RNF220: variants seen among roughly 807,000 people sequenced by gnomAD.
The protein encoded by RNF220 is E3 ubiquitin-protein ligase RNF220.
A neutral mutation model predicts 67.1 loss-of-function variants in RNF220; 7 were observed. That is an observed-to-expected ratio of 0.10 (90% CI 0.06 to 0.20). RNF220 has a LOEUF of 0.20. Among genes scored for constraint, RNF220 ranks in the 10% least tolerant of loss-of-function variants. RNF220 has a pLI of 1.00. For missense variants in RNF220, 565 were observed against 740.3 expected (o/e 0.76, Z 2.75); for synonymous variants, 270 against 283.2 (o/e 0.95, Z 0.47).
chr1:44,518,605 G>A (rs1056091745), intron 2 of RNF220, among the ~76,000 whole-genome samples: 4 of 152,180 alleles, frequency 2.6e-5, no homozygotes, highest in Middle Eastern at 3.4e-3. Flanking sequence ...GGCCGGGCGC[G>A]GTGGCTCACA....
Position 44,650,939 on chromosome 1 carries a change from T to G in RNF220, c.*164T>G. The G allele has an allele frequency of 1.5e-6, 1 of 660,136 alleles. No homozygotes were observed. The highest frequency in any genetic ancestry group is 2.2e-5 in the Admixed American group (1 of 46,200). The allele number at this position is 660,136 out of a possible 1,614,324, so 40.9% of individuals were successfully genotyped here. On this transcript the variant is annotated 3_prime_UTR_variant, in exon 15 of 15. Coordinates refer to ENST00000361799, the MANE Select transcript of RNF220 (RefSeq NM_018150.4). This position sits in a 1 kb window ranked among gnomAD's most constrained non-coding sequence, Gnocchi z 4.3. ...ACACACACATTTACACACGCAGGAC[T>G]CTGGAGCCAGAGTAGAGGCTGTGGC...
At chr1:44,640,178 G>A (rs573708349) in intron 8 of RNF220, among the ~76,000 whole-genome samples, 1 of 152,386 alleles carries the variant, frequency 6.6e-6, no homozygotes, top group South Asian at 2.1e-4. Context: ...GTAAGCCCCA[G>A]GGCATGGGCA....
Position 44,614,158 on chromosome 1 carries a change from T to C in RNF220, c.626-7T>C. On this transcript the variant is annotated splice_polypyrimidine_tract_variant and splice_region_variant and intron_variant, in intron 2 of 14. Coordinates refer to ENST00000361799, the MANE Select transcript of RNF220 (RefSeq NM_018150.4). ...TACGCGTCTGTCTGTTCTTCTCCCC[T>C]CACTAGGTAAGAAGAAAGCAGCGGC... is the stretch of plus-strand genomic sequence containing the variant. 1 of 1,614,084 alleles carries C rather than the reference T, an allele frequency of 6.2e-7. No individual in the cohort carries two copies. The highest frequency in any genetic ancestry group is 8.5e-7 in the Non-Finnish European group (1 of 1,179,988).
At chr1:44,632,675 G>C in intron 6 of RNF220, 1 of 543,204 alleles carries the variant, frequency 1.8e-6, no homozygotes, top group Non-Finnish European at 3.3e-6. Flanking sequence ...AATTCTACTC[G>C]GGAGCTCAGC....
rs188656907 is a variant in RNF220 at position 44,530,493 on chromosome 1, C to T, written c.626-83672C>T. Among the ~76,000 whole-genome samples, 186 of 141,250 alleles carry T rather than the reference C, an allele frequency of 1.3e-3. 1 individual carries two copies. The highest frequency in any genetic ancestry group is 4.7e-3 in the African/African-American group (177 of 37,690). The allele number at this position is 141,250 out of a possible 152,430, so 92.7% of individuals were successfully genotyped here. ...GATGCGCAATGCTGATACACAAAAT[C>T]AACATTGTGATAATGCACTTTCATG... On this transcript the variant is annotated intron_variant, in intron 2 of 14. Transcript: ENST00000361799.
At chr1:44,498,838 G>A (rs1176450787) in intron 2 of RNF220, among the ~76,000 whole-genome samples, 1 of 152,152 alleles carries the variant, frequency 6.6e-6, no homozygotes, top group Admixed American at 6.5e-5. Flanking sequence ...TGGTGCTGCT[G>A]TTCCAAGGGC....
chr1:44,422,054 A>G (rs1171033921), intron 2 of RNF220, among the ~76,000 whole-genome samples: 2 of 152,196 alleles, frequency 1.3e-5, no homozygotes, highest in Non-Finnish European at 2.9e-5. Flanking sequence ...GCAGCACCCA[A>G]TTCTCCTCCC....
intron 2 of RNF220, among the ~76,000 whole-genome samples, chr1:44,497,540 C>A (rs771661003): frequency 1.3e-5 from 2 of 152,146 alleles, no homozygotes; most frequent in Non-Finnish European, 2.9e-5. Context: ...TCCTTTCATC[C>A]GCCTGTGGGT....
rs188270641 is a variant in RNF220 at position 44,456,671 on chromosome 1, C to T, written c.625+43949C>T. Among the ~76,000 whole-genome samples the T allele has an allele frequency of 1.3e-4, 20 of 152,300 alleles. No individual in the cohort carries two copies. In the East Asian group the frequency reaches 2.9e-3, roughly 22 times the overall value. Reference sequence around the variant, plus strand: ...TGCTGCACTTCCTATCTGTTGTCTACGTGGCAGCCAGAAGATTTCTAAAAT... The same window carrying T: ...TGCTGCACTTCCTATCTGTTGTCTATGTGGCAGCCAGAAGATTTCTAAAAT... On this transcript the variant is annotated intron_variant, in intron 2 of 14. Transcript: ENST00000361799.
At chr1:44,493,469 G>A (rs572498979) in intron 2 of RNF220, among the ~76,000 whole-genome samples, 43 of 152,062 alleles carry the variant, frequency 2.8e-4, no homozygotes, top group African/African-American at 3.6e-4. Flanking sequence ...AGCCAAGATC[G>A]TGCCATTGCA....
chr1:44,575,528 G>A (rs959869397), intron 2 of RNF220, among the ~76,000 whole-genome samples: 13 of 151,620 alleles, frequency 8.6e-5, no homozygotes, highest in African/African-American at 2.9e-4. Flanking sequence ...ACATACAAAT[G>A]GCCAACAGGT....
upstream of RNF220, among the ~76,000 whole-genome samples, chr1:44,404,988 G>C (rs537453726): frequency 6.6e-6 from 1 of 152,094 alleles, no homozygotes; most frequent in Admixed American, 6.5e-5. Flanking sequence ...TTTGCGGGTG[G>C]GGGAGGAGGG....
intron 2 of RNF220, among the ~76,000 whole-genome samples, chr1:44,461,388 T>C (rs1653745706): frequency 6.6e-6 from 1 of 152,220 alleles, no homozygotes; most frequent in Admixed American, 6.5e-5. Flanking sequence ...AATAAAATAC[T>C]TTAATCAAAA....
At position 44,412,739 on chromosome 1, in the gene RNF220, C is replaced by T. The variant is rs1445392686; in HGVS notation, c.625+17C>T. Reference sequence around the variant, plus strand: ...ATGACAGATGTAAGTACTTTGGTTCCAGCCCTCCCTTACCCCCAGTAAGCC... The same window carrying T: ...ATGACAGATGTAAGTACTTTGGTTCTAGCCCTCCCTTACCCCCAGTAAGCC... On this transcript the variant is annotated intron_variant, in intron 2 of 14. Transcript: ENST00000361799. The surrounding 1 kb of genome is among the most constrained non-coding windows in gnomAD (Gnocchi z 5.3). 2.5e-6 allele frequency: 4 copies of T among 1,606,080 alleles called. No individual in the cohort carries two copies. The highest frequency in any genetic ancestry group is 1.7e-5 in the Admixed American group (1 of 59,560).
At chr1:44,500,130 C>A (rs140648912) in intron 2 of RNF220, among the ~76,000 whole-genome samples, 3 of 152,358 alleles carry the variant, frequency 2.0e-5, no homozygotes, top group Non-Finnish European at 4.4e-5. Context: ...TTCTGTGACT[C>A]CTCTGGCTTG....
chr1:44,558,284 T>A (rs998867375), intron 2 of RNF220, among the ~76,000 whole-genome samples: 1 of 152,232 alleles, frequency 6.6e-6, no homozygotes. Context: ...GAATAACATC[T>A]ATGGCCCAGC....
chr1:44,523,121 G>A lies in RNF220; in HGVS notation c.626-91044G>A, dbSNP rs150491981. ...AGGGGCTCTGGGCTGTGGGGTTTCCGAGGATGGTGAGTGTGGGAATGTTTT... is the reference window on the plus strand; with the variant it reads ...AGGGGCTCTGGGCTGTGGGGTTTCCAAGGATGGTGAGTGTGGGAATGTTTT... On this transcript the variant is annotated intron_variant, in intron 2 of 14. Transcript: ENST00000361799. Among the ~76,000 whole-genome samples the A allele has an allele frequency of 1.1e-3, 162 of 152,354 alleles. 1 individual carries two copies. Among genetic ancestry groups the A allele is most frequent in the African/African-American group, 3.7e-3 (152 of 41,580 alleles).
Position 44,600,491 on chromosome 1 carries a change from C to T in RNF220, c.626-13674C>T, listed in dbSNP as rs116598457. 1.6e-3 allele frequency among the ~76,000 whole-genome samples: 237 copies of T among 152,286 alleles called. 2 individuals carry two copies. Among genetic ancestry groups the T allele is most frequent in the South Asian group, 3.7e-3 (18 of 4,818 alleles). On this transcript the variant is annotated intron_variant, in intron 2 of 14. Transcript: ENST00000361799. The surrounding 1 kb of genome is among the most constrained non-coding windows in gnomAD (Gnocchi z 4.0). ...CATGGGCAAACTAAGAACTTCTCTA[C>T]GCCTCTGTTTCCTTACTTATAAAAT...
rs146404854 is a variant in RNF220, at chr1:44,509,132, G to A, written c.625+96410G>A. Among the ~76,000 whole-genome samples the A allele has an allele frequency of 2.9e-3, 438 of 152,284 alleles. 4 individuals are homozygous for A. The highest frequency in any genetic ancestry group is 9.8e-3 in the African/African-American group (409 of 41,548). Reference sequence around the variant, plus strand: ...TAAATACAGACAGTCCCATTTACGGGTGTGAAAAATCAGGAAGTCTACTCA... The same window carrying A: ...TAAATACAGACAGTCCCATTTACGGATGTGAAAAATCAGGAAGTCTACTCA... On this transcript the variant is annotated intron_variant, in intron 2 of 14. Transcript: ENST00000361799.
Sources: allele counts gnomAD v4.1 joint callset (sites outside exome capture counted in the v4.1 genomes callset), GRCh38; gene constraint gnomAD v4.1.1; non-coding constraint Gnocchi (gnomAD v3.1); transcripts MANE v1.5; gene names NCBI Gene and HGNC (gene_info 2026-07-23, HGNC 2026-07-21).